Variants in OR51B5 observed in about 807,000 individuals in gnomAD.
OR51B5 encodes the protein olfactory receptor family 51 subfamily B member 5.
For synonymous variants in OR51B5, 186 were observed against 144.8 expected, an observed-to-expected ratio of 1.28 and a Z score of -2.04; for missense variants, 456 against 374.6, an observed-to-expected ratio of 1.22 and a Z score of -1.79.
intron 1 of OR51B5, chr11:5,390,490 T>C: frequency 1.1e-6 from 1 of 903,898 alleles, no homozygotes; most frequent in South Asian, 2.1e-5. Flanking sequence ...GCCCCTGTCC[T>C]AAATAAAATA....
chr11:5,378,136 G>A (rs1429756027), intron 1 of OR51B5, among the ~76,000 whole-genome samples: 1 of 151,696 alleles, frequency 6.6e-6, no homozygotes, highest in East Asian at 1.9e-4. Flanking sequence ...GAACAGAACA[G>A]AGCCCTCAGA....
intron 1 of OR51B5, among the ~76,000 whole-genome samples, chr11:5,409,670 G>A (rs536492959): frequency 2.6e-5 from 4 of 152,260 alleles, no homozygotes; most frequent in South Asian, 2.1e-4. Flanking sequence ...TGAAATACAT[G>A]TAGGACATAT....
chr11:5,376,374 T>C (rs914912892), intron 1 of OR51B5, among the ~76,000 whole-genome samples: 3 of 151,888 alleles, frequency 2.0e-5, no homozygotes, highest in Non-Finnish European at 2.9e-5. Context: ...AGATCCAAAA[T>C]TGACACCCTA....
At chr11:5,409,162 TTAGGAAGC>T (rs1158551644) in intron 1 of OR51B5, among the ~76,000 whole-genome samples, 1 of 152,074 alleles carries the variant, frequency 6.6e-6, no homozygotes, top group African/African-American at 2.4e-5. Context: ...TTCAAAGGCA[TTAGGAAGC>T]TAGGAAGCTA....
intron 1 of OR51B5, among the ~76,000 whole-genome samples, chr11:5,363,956 C>T (rs1849326856): frequency 6.6e-6 from 1 of 152,104 alleles, no homozygotes; most frequent in Non-Finnish European, 1.5e-5. Context: ...GGAGGAGAAG[C>T]TTGTGTTAGG....
At chr11:5,433,421 A>G (rs1850558148) in intron 1 of OR51B5, among the ~76,000 whole-genome samples, 1 of 152,236 alleles carries the variant, frequency 6.6e-6, no homozygotes, top group Non-Finnish European at 1.5e-5. Context: ...AATTACTTCC[A>G]ATCACCAGTT....
At chr11:5,488,057 A>G (rs1355490001) in intron 1 of OR51B5, among the ~76,000 whole-genome samples, 1 of 152,170 alleles carries the variant, frequency 6.6e-6, no homozygotes, top group Non-Finnish European at 1.5e-5. Context: ...TAAAACATCA[A>G]TGCCATGTTA....
chr11:5,433,810 C>T (rs530515501), intron 1 of OR51B5, among the ~76,000 whole-genome samples: 111 of 151,106 alleles, frequency 7.3e-4, no homozygotes, highest in Middle Eastern at 3.4e-3. Context: ...TCAGCCTAGG[C>T]AACAGAATGA....
chr11:5,494,143 C>T (rs564669408), intron 1 of OR51B5, among the ~76,000 whole-genome samples: 4 of 152,282 alleles, frequency 2.6e-5, no homozygotes, highest in Non-Finnish European at 5.9e-5. Context: ...ATTGGGTCAT[C>T]CCCAGTGGAA....
intron 1 of OR51B5, among the ~76,000 whole-genome samples, chr11:5,377,054 A>C (rs1179350164): frequency 6.6e-6 from 1 of 152,196 alleles, no homozygotes; most frequent in Non-Finnish European, 1.5e-5. Flanking sequence ...CGATGCAAAA[A>C]TCCTCAATAA....
Position 5,397,486 on chromosome 11 carries a change from C to G in OR51B5, n.85-50576G>C, listed in dbSNP as rs1849895821. 2.0e-5 allele frequency among the ~76,000 whole-genome samples: 3 copies of G among 151,420 alleles called. No homozygotes were observed. In the South Asian group the frequency reaches 6.3e-4, roughly 32 times the overall value. ...CACTGGCCATCAGAGAAATGCAAAT[C>G]AAAACCACAATGAGATACCATCTCA... On this transcript the variant is annotated intron_variant and non_coding_transcript_variant, in intron 1 of 4. Coordinates refer to the OR51B5 transcript ENST00000415970.
chr11:5,385,765 A>G (rs953066063), intron 1 of OR51B5, among the ~76,000 whole-genome samples: 5 of 148,516 alleles, frequency 3.4e-5, no homozygotes, highest in African/African-American at 1.2e-4. Flanking sequence ...ATATATAAAT[A>G]TACAGACACA....
At chr11:5,342,310 G>C (rs1393765811), downstream of OR51B5, among the ~76,000 whole-genome samples, 2 of 152,092 alleles carry the variant, frequency 1.3e-5, no homozygotes, top group African/African-American at 2.4e-5. Flanking sequence ...TTACATTATA[G>C]ACATACCAAT....
chr11:5,348,756 C>T (rs147374645), intron 1 of OR51B5, among the ~76,000 whole-genome samples: 94 of 152,272 alleles, frequency 6.2e-4, no homozygotes, highest in African/African-American at 2.2e-3. Flanking sequence ...AGTCTACTGA[C>T]TCAAATGTTA....
chr11:5,441,722 G>A (rs1850692345), intron 1 of OR51B5, among the ~76,000 whole-genome samples: 1 of 152,118 alleles, frequency 6.6e-6, no homozygotes, highest in African/African-American at 2.4e-5. Context: ...CACTATCTAG[G>A]CCATAGTAGA....
intron 1 of OR51B5, among the ~76,000 whole-genome samples, chr11:5,476,207 T>C (rs993316562): frequency 4.5e-4 from 69 of 152,352 alleles, no homozygotes; most frequent in African/African-American, 1.6e-3. Flanking sequence ...ATAACATTCA[T>C]GTATACTTAT....
chr11:5,389,260 G>T, intron 1 of OR51B5: 1 of 828,116 alleles, frequency 1.2e-6, no homozygotes, highest in Non-Finnish European at 1.9e-6. Flanking sequence ...TAGTGAGATT[G>T]GCAGAATTCA....
At position 5,440,877 on chromosome 11, in the gene OR51B5, G is replaced by C. The variant is rs1850674447; in HGVS notation, n.84+64692C>G. 6 of 1,613,648 alleles carry C rather than the reference G, an allele frequency of 3.7e-6. No individual in the cohort carries two copies. The African/African-American group carries it at 5.3e-5, about 14-fold the overall frequency. The stretch of plus-strand genomic sequence containing the variant: ...TGCGTAGGAAAGCAGGATGAAAGTT[G>C]AGTCCATACCATAGGTAAAAATGAT... On this transcript the variant is annotated intron_variant and non_coding_transcript_variant, in intron 1 of 4. Coordinates refer to the OR51B5 transcript ENST00000415970.
chr11:5,346,211 C>A (rs1386401995), upstream of OR51B5: 1 of 138,856 alleles, frequency 7.2e-6, no homozygotes, highest in Non-Finnish European at 1.7e-5. Context: ...TAATAACCTG[C>A]AACTTAAAGT....
Sources: gnomAD v4.1 joint callset for allele counts (sites outside exome capture counted in the v4.1 genomes callset) on GRCh38, gnomAD v4.1.1 for gene constraint, MANE v1.5 for transcripts, NCBI Gene and HGNC (gene_info 2026-07-23, HGNC 2026-07-21) for gene names.